ZNF740: variants seen among roughly 807,000 people sequenced by gnomAD.
ZNF740 encodes zinc finger protein 740.
ZNF740 carries 14 observed loss-of-function variants against 24.8 expected under a neutral mutation model. The observed-to-expected ratio is 0.56, with a 90% CI of 0.37 to 0.88. ZNF740 has a LOEUF of 0.88. Ranked by LOEUF, ZNF740 falls within the 40% of genes least tolerant of loss-of-function variation. The pLI is 0.00. For synonymous variants in ZNF740, 69 were observed against 84.0 expected, an observed-to-expected ratio of 0.82 and a Z score of 0.98; for missense variants, 201 against 247.9, an observed-to-expected ratio of 0.81 and a Z score of 1.27.
rs898256999 is a variant in ZNF740 at position 53,189,841 on chromosome 12, A to G, written c.*2251A>G. On this transcript the variant is annotated 3_prime_UTR_variant, in exon 7 of 7. Coordinates refer to ENST00000416904, the MANE Select transcript of ZNF740 (RefSeq NM_001004304.4). Reference sequence around the variant, plus strand: ...AAAATATTTAGAAAACTATCCTCCCAAAAATGCTTTTGAAAATGAGAGCCC... The same window carrying G: ...AAAATATTTAGAAAACTATCCTCCCGAAAATGCTTTTGAAAATGAGAGCCC... 6.6e-6 allele frequency: 1 copy of G among 152,220 alleles called. No homozygotes were observed. Among genetic ancestry groups the G allele is most frequent in the African/African-American group, 2.4e-5 (1 of 41,438 alleles). 9.4% of individuals were successfully genotyped at this position (152,220 alleles called of 1,614,324 possible). A position where few individuals can be genotyped will look rare whatever the true frequency, so the allele number is the denominator to read the frequency against.
chr12:53,185,638 T>C (rs1941808206), intron 4 of ZNF740, among the ~76,000 whole-genome samples, 162 bp downstream of exon 4: 1 of 152,218 alleles, frequency 6.6e-6, no homozygotes, highest in Non-Finnish European at 1.5e-5. Flanking sequence ...ACCTTGGTAG[T>C]TGATCTCCTG....
rs780363011 is a variant in ZNF740, at chr12:53,192,933, G to A, written c.*5343G>A. 8 of 1,607,424 alleles carry A rather than the reference G, an allele frequency of 5.0e-6. No homozygotes were observed. In the South Asian group the frequency reaches 8.8e-5, roughly 18 times the overall value. On this transcript the variant is annotated 3_prime_UTR_variant, in exon 7 of 7. Transcript: ENST00000416904. The stretch of plus-strand genomic sequence containing the variant: ...AGCCTGGGGTAGAGCCATGCAGAGG[G>A]TGACAACCATACTCCACACACACAG...
At chr12:53,181,190 C>G in intron 1 of ZNF740, 7 of 985,474 alleles carry the variant, frequency 7.1e-6, no homozygotes, top group Non-Finnish European at 8.4e-6. Context: ...CGGGCTTCGC[C>G]TGCCTGTCCT....
rs951639263 is a variant in ZNF740 at position 53,191,865 on chromosome 12, C to A, written c.*4275C>A. The A allele has an allele frequency of 7.4e-6, 12 of 1,613,602 alleles. No individual in the cohort carries two copies. The highest frequency in any genetic ancestry group is 1.0e-5 in the Non-Finnish European group (12 of 1,179,984). The stretch of plus-strand genomic sequence containing the variant: ...AACCAGGAAGTCTCCTCACCTGCTT[C>A]CAGTTGAGTTGTTGCTGCTCCTTCT... On this transcript the variant is annotated 3_prime_UTR_variant, in exon 7 of 7. Coordinates refer to ENST00000416904, the MANE Select transcript of ZNF740 (RefSeq NM_001004304.4).
intron 2 of ZNF740, 109 bp from the exon 3 acceptor site, chr12:53,184,782 G>A: frequency 1.5e-6 from 2 of 1,321,384 alleles, no homozygotes. Context: ...ACATTCCCTG[G>A]AGAGAAGCAG....
At position 53,192,249 on chromosome 12, in the gene ZNF740, C is replaced by A; in HGVS notation, c.*4659C>A. 2 of 1,454,314 alleles carry A rather than the reference C, an allele frequency of 1.4e-6. No homozygotes were observed. The highest frequency in any genetic ancestry group is 2.3e-5 in the South Asian group (2 of 86,630). The allele number at this position is 1,454,314 out of a possible 1,614,324, so 90.1% of individuals were successfully genotyped here. On this transcript the variant is annotated 3_prime_UTR_variant, in exon 7 of 7. Coordinates refer to ENST00000416904, the MANE Select transcript of ZNF740 (RefSeq NM_001004304.4). Reference sequence around the variant, plus strand: ...TCTGCTTCAGCCCCCAGCCTGTTTCCCATTATCTTCACTCTGCATCCCCAG... The same window carrying A: ...TCTGCTTCAGCCCCCAGCCTGTTTCACATTATCTTCACTCTGCATCCCCAG...
rs1403687331 is a variant in ZNF740 at position 53,189,150 on chromosome 12, A to G, written c.*1560A>G. Reference sequence around the variant, plus strand: ...AGATGAATTCAACAGCCTGGTGGTTAGGATGTTTCTAACCCAAGCCAGGGC... The same window carrying G: ...AGATGAATTCAACAGCCTGGTGGTTGGGATGTTTCTAACCCAAGCCAGGGC... On this transcript the variant is annotated 3_prime_UTR_variant, in exon 7 of 7. Transcript: ENST00000416904. 7.9e-5 allele frequency: 12 copies of G among 152,154 alleles called. No individual in the cohort carries two copies. In the East Asian group the frequency reaches 2.3e-3, roughly 29 times the overall value. The allele number at this position is 152,154 out of a possible 1,614,324, so 9.4% of individuals were successfully genotyped here.
Position 53,186,055 on chromosome 12 carries a change from GA to G in ZNF740, c.352del (p.Arg118GlyfsTer137). On this transcript the variant is annotated frameshift_variant, in exon 5 of 7. Transcript: ENST00000416904. LOFTEE classifies it high-confidence loss of function. ...GAFRSSYHLK[R>X]HILIHTGEKP... Reference sequence around the variant, plus strand: ...CCTTTCGGAGCAGTTACCACCTAAAGAGGCACATCCTTATTCACACTGGTAA... The same window carrying G: ...CCTTTCGGAGCAGTTACCACCTAAAGGGCACATCCTTATTCACACTGGTAA... 1 of 1,613,972 alleles carries G rather than the reference GA, an allele frequency of 6.2e-7. No individual in the cohort carries two copies. The highest frequency in any genetic ancestry group is 2.2e-5 in the East Asian group (1 of 44,888).
chr12:53,194,468 C>T lies in ZNF740; in HGVS notation c.*6878C>T. 1.1e-6 allele frequency: 1 copy of T among 916,346 alleles called. No homozygotes were observed. Among genetic ancestry groups the T allele is most frequent in the South Asian group, 1.6e-5 (1 of 62,490 alleles). 56.8% of individuals were successfully genotyped at this position (916,346 alleles called of 1,614,324 possible). A position where few individuals can be genotyped will look rare whatever the true frequency, so the allele number is the denominator to read the frequency against. On this transcript the variant is annotated 3_prime_UTR_variant, in exon 7 of 7. Transcript: ENST00000416904. The stretch of plus-strand genomic sequence containing the variant: ...TGCCCTCTGCCACCTGGGGCTCCTT[C>T]CATTCTGCCCAGTCGAGGCATTTCT...
intron 4 of ZNF740, 116 bp downstream of exon 4, chr12:53,185,592 C>A: frequency 2.2e-6 from 2 of 926,622 alleles, no homozygotes; most frequent in Non-Finnish European, 3.3e-6. Context: ...TCTCTGATAG[C>A]CAGTGAGTGA....
intron 2 of ZNF740, among the ~76,000 whole-genome samples, chr12:53,183,019 G>A (rs1941722224): frequency 6.6e-6 from 1 of 152,190 alleles, no homozygotes; most frequent in Non-Finnish European, 1.5e-5. Flanking sequence ...CTCCCTACCA[G>A]TCTCACCAGG....
chr12:53,180,931 GGGGA>G, intron 1 of ZNF740, 94 bp downstream of exon 1: 1 of 1,057,278 alleles, frequency 9.5e-7, no homozygotes, highest in Non-Finnish European at 1.2e-6. Context: ...GGAAGGGGGA[GGGGA>G]GGGGAGGAGG....
chr12:53,186,351 C>T (rs1215883810), intron 5 of ZNF740, 40 bp from the exon 6 acceptor site: 3 of 1,514,666 alleles, frequency 2.0e-6, no homozygotes, highest in South Asian at 1.2e-5. Flanking sequence ...CCCTACTGTA[C>T]ATACCTCCCC....
Position 53,192,662 on chromosome 12 carries a change from C to T in ZNF740, c.*5072C>T. On this transcript the variant is annotated 3_prime_UTR_variant, in exon 7 of 7. Transcript: ENST00000416904. ...CTCAACAAGCCCCACTGTGCCCCTG[C>T]TCCCAAGATGCAAGACCTGAGGCCT... is the stretch of plus-strand genomic sequence containing the variant. 6.2e-7 allele frequency: 1 copy of T among 1,606,952 alleles called. No homozygotes were observed. Among genetic ancestry groups the T allele is most frequent in the Non-Finnish European group, 8.5e-7 (1 of 1,175,086 alleles).
chr12:53,191,885 C>T lies in ZNF740; in HGVS notation c.*4295C>T. 1 of 1,613,402 alleles carries T rather than the reference C, an allele frequency of 6.2e-7. No individual in the cohort carries two copies. The highest frequency in any genetic ancestry group is 8.5e-7 in the Non-Finnish European group (1 of 1,180,008). ...TGCTTCCAGTTGAGTTGTTGCTGCTCCTTCTCAAAGCGACTGTATTCCCGG... is the reference window on the plus strand; with the variant it reads ...TGCTTCCAGTTGAGTTGTTGCTGCTTCTTCTCAAAGCGACTGTATTCCCGG... On this transcript the variant is annotated 3_prime_UTR_variant, in exon 7 of 7. Coordinates refer to ENST00000416904, the MANE Select transcript of ZNF740 (RefSeq NM_001004304.4).
chr12:53,184,114 GGTGTGTGTGTGTGTGTGTGTGT>G (rs754768891), intron 2 of ZNF740, among the ~76,000 whole-genome samples: 11 of 123,572 alleles, frequency 8.9e-5, no homozygotes, highest in Middle Eastern at 4.0e-3. Flanking sequence ...GAAGCTAAGG[GGTGTGTGTGTGTGTGTGTGTGT>G]GTGTGTGTGT....
chr12:53,185,238 G>T, intron 3 of ZNF740, 149 bp from the exon 4 acceptor site: 1 of 1,126,456 alleles, frequency 8.9e-7, no homozygotes, highest in Non-Finnish European at 1.3e-6. Context: ...TTAAGACCAG[G>T]TGCTTGGAGA....
rs1028384609 is a variant in ZNF740 at position 53,190,405 on chromosome 12, G to A, written c.*2815G>A. On this transcript the variant is annotated 3_prime_UTR_variant, in exon 7 of 7. Coordinates refer to ENST00000416904, the MANE Select transcript of ZNF740 (RefSeq NM_001004304.4). ...CCAGGATAGAGAGTCAGGGAACCTG[G>A]GAAAGAGTAGTGCCAGTTCCGGGTA... 6.5e-6 allele frequency: 1 copy of A among 152,734 alleles called. No homozygotes were observed. The highest frequency in any genetic ancestry group is 6.5e-5 in the Admixed American group (1 of 15,282). The allele number at this position is 152,734 out of a possible 1,614,324, so 9.5% of individuals were successfully genotyped here. A position where few individuals can be genotyped will look rare whatever the true frequency, so the allele number is the denominator to read the frequency against.
In ZNF740 at chr12:53,193,927, T is replaced by A. The variant is rs768687334; in HGVS notation, c.*6337T>A. On this transcript the variant is annotated 3_prime_UTR_variant, in exon 7 of 7. Transcript: ENST00000416904. ...CTGAGAAGAGGCAGGAATCAGGCCATGGTTATACACATGCACACACACATA... is the reference window on the plus strand; with the variant it reads ...CTGAGAAGAGGCAGGAATCAGGCCAAGGTTATACACATGCACACACACATA... The A allele has an allele frequency of 1.3e-6, 2 of 1,596,044 alleles. No individual in the cohort carries two copies. Among genetic ancestry groups the A allele is most frequent in the Non-Finnish European group, 1.7e-6 (2 of 1,169,034 alleles).
Sources: gnomAD v4.1 joint callset for allele counts (sites outside exome capture counted in the v4.1 genomes callset) on GRCh38, gnomAD v4.1.1 for gene constraint, MANE v1.5 for transcripts, NCBI Gene and HGNC (gene_info 2026-07-23, HGNC 2026-07-21) for gene names.